Variants in NCR1 observed in about 807,000 individuals in gnomAD.
The protein encoded by NCR1 is NK cell-activating receptor.
A neutral mutation model predicts 32.5 loss-of-function variants in NCR1; 30 were observed. That is an observed-to-expected ratio of 0.92 (90% CI 0.69 to 1.25). NCR1 has a LOEUF of 1.25. Among genes scored for constraint, NCR1 ranks in the 50% most tolerant of loss-of-function variants. The pLI, the probability that NCR1 is intolerant of heterozygous loss-of-function variation, is 0.00. For synonymous variants in NCR1, 169 were observed against 143.4 expected (o/e 1.18, Z -1.28); for missense variants, 369 against 380.7 (o/e 0.97, Z 0.26).
upstream of NCR1, among the ~76,000 whole-genome samples, chr19:54,901,573 G>A (rs2067303120): frequency 6.6e-6 from 1 of 151,912 alleles, no homozygotes; most frequent in Non-Finnish European, 1.5e-5. Flanking sequence ...GGAGGCCGAG[G>A]CAGGTGGGAG....
At chr19:54,900,664 A>C in the NCR1 span, among the ~76,000 whole-genome samples, 1 of 151,908 alleles carries the variant, frequency 6.6e-6, no homozygotes, top group Non-Finnish European at 1.5e-5. Context: ...TACAGGCATG[A>C]CCCACTGCAC....
the NCR1 span, among the ~76,000 whole-genome samples, chr19:54,935,687 T>C: frequency 7.6e-6 from 1 of 131,270 alleles, no homozygotes; most frequent in Non-Finnish European, 1.5e-5. Context: ...AATAAAACTG[T>C]CTCAAAGAAA....
At chr19:54,906,442 G>C (rs2067615925) in intron 2 of NCR1, 81 bp from the exon 3 acceptor site, 1 of 1,599,954 alleles carries the variant, frequency 6.3e-7, no homozygotes, top group Non-Finnish European at 8.5e-7. Flanking sequence ...TCCCAGGAGA[G>C]CTTGGGGCCA....
downstream of NCR1, among the ~76,000 whole-genome samples, chr19:54,914,765 A>G (rs1415249926): frequency 6.8e-6 from 1 of 147,484 alleles, no homozygotes; most frequent in African/African-American, 2.5e-5. Context: ...TTTTTGAGAC[A>G]GTCTCACTCT....
At chr19:54,923,409 C>G in the NCR1 span, 12 of 399,102 alleles carry the variant, frequency 3.0e-5, no homozygotes, top group African/African-American at 1.2e-4. Context: ...AAGAATCAAC[C>G]GAATCATCCC....
downstream of NCR1, among the ~76,000 whole-genome samples, chr19:54,919,715 C>T: frequency 1.5e-5 from 1 of 68,744 alleles, no homozygotes; most frequent in South Asian, 3.9e-4. Flanking sequence ...GAAAGGGAGA[C>T]CCCCCCCCCC....
chr19:54,923,504 G>A, the NCR1 span: 34 of 577,938 alleles, frequency 5.9e-5, no homozygotes, highest in South Asian at 5.7e-4. Flanking sequence ...GTCAATAAAC[G>A]CAGCTGCAAC....
At chr19:54,918,092 A>T (rs764017727), downstream of NCR1, among the ~76,000 whole-genome samples, 2 of 151,176 alleles carry the variant, frequency 1.3e-5, no homozygotes, top group Non-Finnish European at 2.9e-5. Flanking sequence ...CCCGCCACCT[A>T]GCCCGGCTAA....
At position 54,909,443 on chromosome 19, in the gene NCR1, G is replaced by A. The variant is rs763296705; in HGVS notation, c.554G>A (p.Arg185Lys). Residue 185 changes from arginine (R) to lysine (K), a missense_variant, in exon 4 of 7, where the codon AGA (arginine) becomes AAA (lysine). Coordinates refer to ENST00000291890, the MANE Select transcript of NCR1 (RefSeq NM_004829.7). ...FPLGPVTTAH[R>K]GTYRCFGSYN... Reference sequence around the variant, plus strand: ...CTGGGCCCTGTGACCACAGCCCACAGAGGGACATACCGATGTTTTGGCTCC... The same window carrying A: ...CTGGGCCCTGTGACCACAGCCCACAAAGGGACATACCGATGTTTTGGCTCC... 1.9e-5 allele frequency: 31 copies of A among 1,612,778 alleles called. No homozygotes were observed. Among genetic ancestry groups the A allele is most frequent in the Non-Finnish European group, 2.5e-5 (30 of 1,180,032 alleles).
intron 5 of NCR1, among the ~76,000 whole-genome samples, chr19:54,910,288 T>C (rs2067903465): frequency 1.3e-5 from 2 of 151,882 alleles, no homozygotes; most frequent in Admixed American, 6.6e-5. Flanking sequence ...ATACAAAACT[T>C]AGGCTGGGCA....
intron 3 of NCR1, 120 bp from the exon 4 acceptor site, chr19:54,909,125 G>C: frequency 1.0e-6 from 1 of 956,710 alleles, no homozygotes; most frequent in Admixed American, 2.8e-5. Context: ...AGCCAAGATC[G>C]TGTCACTGCA....
upstream of NCR1, among the ~76,000 whole-genome samples, chr19:54,903,135 GAAA>G (rs975297638): frequency 7.0e-6 from 1 of 143,866 alleles, no homozygotes; most frequent in Non-Finnish European, 1.5e-5. Context: ...GTCTTAAAGA[GAAA>G]AAAAAAAGAA....
intron 5 of NCR1, 147 bp downstream of exon 5, chr19:54,910,212 C>G: frequency 1.3e-6 from 1 of 753,780 alleles, no homozygotes; most frequent in Non-Finnish European, 2.2e-6. Flanking sequence ...CGAGATGGTG[C>G]ATCATTTGAG....
chr19:54,912,315 G>T, intron 6 of NCR1, 97 bp downstream of exon 6: 2 of 1,260,000 alleles, frequency 1.6e-6, no homozygotes, highest in Non-Finnish European at 2.3e-6. Context: ...GGGTGTCCTT[G>T]GCCAGGCGCA....
chr19:54,920,566 C>T (rs1399875404), downstream of NCR1, among the ~76,000 whole-genome samples: 2 of 152,204 alleles, frequency 1.3e-5, no homozygotes, highest in Non-Finnish European at 1.5e-5. Flanking sequence ...GCAGCTCACG[C>T]GTGTAATCCC....
chr19:54,903,540 GTATGCA>G (rs1569535681), upstream of NCR1, among the ~76,000 whole-genome samples: 3 of 144,766 alleles, frequency 2.1e-5, no homozygotes, highest in African/African-American at 7.7e-5. Context: ...ATATATGCAT[GTATGCA>G]TGTGTGTATA....
At chr19:54,908,827 A>C (rs1028176182) in intron 3 of NCR1, among the ~76,000 whole-genome samples, 1 of 151,582 alleles carries the variant, frequency 6.6e-6, no homozygotes, top group Non-Finnish European at 1.5e-5. Flanking sequence ...ACGGGGTTTC[A>C]CCATGTTGAC....
At chr19:54,911,358 G>T (rs12460976) in intron 5 of NCR1, among the ~76,000 whole-genome samples, 6,265 of 131,400 alleles carry the variant, frequency 0.048, 346 homozygotes, top group African/African-American at 0.12. Context: ...CAAAAAAAAA[G>T]AAAAAGAAAA....
the NCR1 span, among the ~76,000 whole-genome samples, chr19:54,931,014 C>T: frequency 9.1e-4 from 138 of 152,132 alleles, no homozygotes; most frequent in African/African-American, 3.3e-3. Flanking sequence ...CAGAGCGAGA[C>T]TCCGTCTCAA....
Sources: gnomAD v4.1 joint callset for allele counts (sites outside exome capture counted in the v4.1 genomes callset) on GRCh38, gnomAD v4.1.1 for gene constraint, MANE v1.5 for transcripts, NCBI Gene and HGNC (gene_info 2026-07-23, HGNC 2026-07-21) for gene names.